LRRC49: variants seen among roughly 807,000 people sequenced by gnomAD.
LRRC49 encodes leucine-rich repeat-containing protein 49.
LRRC49 carries 50 observed loss-of-function variants against 83.3 expected under a neutral mutation model. The ratio of observed to expected loss-of-function variants is 0.60; its 90% confidence interval spans 0.48 to 0.76. The LOEUF (loss-of-function observed/expected upper bound fraction) is 0.76, where lower values mean the gene tolerates loss of function less well. LRRC49 is among the 30% of genes least tolerant of loss of function. LRRC49 has a pLI of 0.00. For synonymous variants in LRRC49, 286 were observed against 283.3 expected (o/e 1.01, Z -0.10); for missense variants, 704 against 809.1 (o/e 0.87, Z 1.58).
intron 7 of LRRC49, among the ~76,000 whole-genome samples, chr15:70,923,319 G>A (rs560142191): frequency 2.4e-4 from 36 of 152,004 alleles, no homozygotes; most frequent in African/African-American, 7.9e-4. Context: ...CTGGTATGTG[G>A]TCAGTATCTA....
intron 9 of LRRC49, among the ~76,000 whole-genome samples, chr15:70,965,351 A>T (rs2036758156): frequency 6.6e-6 from 1 of 152,156 alleles, no homozygotes; most frequent in Non-Finnish European, 1.5e-5. Flanking sequence ...GATTACTAGC[A>T]TCTAATTCTC....
intron 1 of LRRC49, chr15:70,854,023 G>A (rs767830826): frequency 1.1e-5 from 16 of 1,455,142 alleles, no homozygotes; most frequent in Middle Eastern, 1.8e-4. Context: ...CGGCCTCCTG[G>A]ATGGCGACGC....
chr15:70,942,031 TTATGTG>T (rs1403818312), intron 8 of LRRC49, among the ~76,000 whole-genome samples: 2 of 82,052 alleles, frequency 2.4e-5, no homozygotes, highest in Non-Finnish European at 4.7e-5. Flanking sequence ...ACTGTAAAGG[TTATGTG>T]TGTGTGTGTG....
At chr15:70,933,079 A>G (rs1361558693) in intron 7 of LRRC49, among the ~76,000 whole-genome samples, 1 of 152,124 alleles carries the variant, frequency 6.6e-6, no homozygotes, top group Non-Finnish European at 1.5e-5. Context: ...GCCTGAGCAG[A>G]GTAGGACAAG....
rs1396187961 is a variant in LRRC49 at position 71,052,379 on chromosome 15, C to A, written c.*2767C>A. ...TGTACCCGATGTTCTGGTACAGCAG[C>A]TGGATGGTGAAGTGTGCTGCTACAC... is the stretch of plus-strand genomic sequence containing the variant. On this transcript the variant is annotated 3_prime_UTR_variant, in exon 16 of 16. Coordinates refer to ENST00000260382, the MANE Select transcript of LRRC49 (RefSeq NM_017691.5). 6.6e-6 allele frequency: 1 copy of A among 152,188 alleles called. No individual in the cohort carries two copies. The highest frequency in any genetic ancestry group is 1.9e-4 in the East Asian group (1 of 5,188). The allele number at this position is 152,188 out of a possible 1,614,324, so 9.4% of individuals were successfully genotyped here.
intron 11 of LRRC49, among the ~76,000 whole-genome samples, chr15:70,997,659 G>A (rs1336373893): frequency 6.6e-6 from 1 of 152,230 alleles, no homozygotes; most frequent in Non-Finnish European, 1.5e-5. Context: ...GCTGAGGCAG[G>A]AGAATCACTT....
intron 14 of LRRC49, among the ~76,000 whole-genome samples, chr15:71,026,313 T>C (rs1307522200): frequency 6.6e-6 from 1 of 152,202 alleles, no homozygotes; most frequent in African/African-American, 2.4e-5. Flanking sequence ...ATTCAGTCTA[T>C]CACTGATGGG....
chr15:70,895,982 T>A, intron 3 of LRRC49, 46 bp downstream of exon 3: 2 of 1,103,546 alleles, frequency 1.8e-6, no homozygotes, highest in Non-Finnish European at 2.7e-6. Flanking sequence ...CATCTTTGAA[T>A]AATATTAAGT....
At chr15:70,904,515 A>T in intron 4 of LRRC49, 37 bp from the exon 5 acceptor site, 1 of 1,385,000 alleles carries the variant, frequency 7.2e-7, no homozygotes, top group Non-Finnish European at 1.0e-6. Context: ...TAAGTGGCTG[A>T]ATCATAACCT....
At chr15:70,965,601 A>G (rs1177677460) in intron 9 of LRRC49, among the ~76,000 whole-genome samples, 7 of 152,034 alleles carry the variant, frequency 4.6e-5, no homozygotes, top group Middle Eastern at 3.4e-3. Flanking sequence ...CCTCATGATT[A>G]ATTTTTACTT....
At chr15:70,955,041 C>A (rs1231810611) in intron 8 of LRRC49, among the ~76,000 whole-genome samples, 2 of 151,596 alleles carry the variant, frequency 1.3e-5, no homozygotes, top group Non-Finnish European at 2.9e-5. Context: ...GCTTGGGGTG[C>A]TGTGGGTAGG....
intron 7 of LRRC49, among the ~76,000 whole-genome samples, chr15:70,925,887 A>G (rs2035178144): frequency 6.6e-6 from 1 of 152,162 alleles, no homozygotes; most frequent in Non-Finnish European, 1.5e-5. Flanking sequence ...ATTTAATCTG[A>G]GTAATTTCAT....
intron 8 of LRRC49, among the ~76,000 whole-genome samples, chr15:70,937,831 GT>G (rs1031060874): frequency 2.0e-5 from 3 of 152,016 alleles, no homozygotes; most frequent in Non-Finnish European, 2.9e-5. Flanking sequence ...AAATATTAAA[GT>G]TTTTTTGATA....
At chr15:71,039,979 C>A (rs1266873631) in intron 15 of LRRC49, among the ~76,000 whole-genome samples, 1 of 152,094 alleles carries the variant, frequency 6.6e-6, no homozygotes, top group African/African-American at 2.4e-5. Context: ...AAAGAAAAGC[C>A]AAACCATACA....
intron 2 of LRRC49, among the ~76,000 whole-genome samples, chr15:70,885,312 T>C (rs2033377601): frequency 6.6e-6 from 1 of 152,130 alleles, no homozygotes; most frequent in Non-Finnish European, 1.5e-5. Context: ...GACGCAATAT[T>C]TGAACAAATA....
rs1010087793 is a variant in LRRC49 at position 70,968,261 on chromosome 15, T to C, written c.921+4329T>C. On this transcript the variant is annotated intron_variant, in intron 9 of 15. Transcript: ENST00000260382. ...GCTTGGTTTTCTGTCCTTGCAATAGTTTGCTCAGAATGATGGTTTCCAGCT... is the reference window on the plus strand; with the variant it reads ...GCTTGGTTTTCTGTCCTTGCAATAGCTTGCTCAGAATGATGGTTTCCAGCT... 5.3e-5 allele frequency among the ~76,000 whole-genome samples: 8 copies of C among 152,136 alleles called. No homozygotes were observed. In the East Asian group the frequency reaches 1.5e-3, roughly 29 times the overall value.
At chr15:70,963,192 C>T (rs888480314) in intron 8 of LRRC49, among the ~76,000 whole-genome samples, 2 of 149,910 alleles carry the variant, frequency 1.3e-5, no homozygotes, top group African/African-American at 4.9e-5. Context: ...GGGAGGATTG[C>T]TCGAGCCCAA....
chr15:70,896,416 T>C (rs951009877), intron 3 of LRRC49, among the ~76,000 whole-genome samples: 5 of 152,178 alleles, frequency 3.3e-5, no homozygotes, highest in Non-Finnish European at 5.9e-5. Context: ...ACATTCTTAG[T>C]GCTCCCCCTC....
intron 7 of LRRC49, among the ~76,000 whole-genome samples, chr15:70,922,043 G>A (rs766742845): frequency 1.5e-4 from 23 of 152,134 alleles, no homozygotes; most frequent in Non-Finnish European, 2.4e-4. Flanking sequence ...TGGCAGGAAT[G>A]TGGAGAAAAG....
Sources: gnomAD v4.1 joint callset for allele counts (sites outside exome capture counted in the v4.1 genomes callset) on GRCh38, gnomAD v4.1.1 for gene constraint, MANE v1.5 for transcripts, NCBI Gene and HGNC (gene_info 2026-07-23, HGNC 2026-07-21) for gene names.